DNAJC6: variants seen among roughly 807,000 people sequenced by gnomAD.
The protein encoded by DNAJC6 is auxilin.
DNAJC6 carries 34 observed loss-of-function variants against 110.0 expected under a neutral mutation model. That is an observed-to-expected ratio of 0.31 (90% CI 0.24 to 0.41). DNAJC6 has a LOEUF of 0.41. DNAJC6 is among the 10% of genes least tolerant of loss of function. DNAJC6 has a pLI of 1.00. For synonymous variants in DNAJC6, 406 were observed against 437.2 expected (o/e 0.93, Z 0.89); for missense variants, 1,031 against 1,207.8 (o/e 0.85, Z 2.17).
rs1285031743 is a variant in DNAJC6, at chr1:65,408,517, G to A, written c.2492-124G>A. 4.7e-6 allele frequency: 5 copies of A among 1,070,822 alleles called. No homozygotes were observed. In the African/African-American group the frequency reaches 7.9e-5, roughly 17 times the overall value. 66.3% of individuals were successfully genotyped at this position (1,070,822 alleles called of 1,614,324 possible). A position where few individuals can be genotyped will look rare whatever the true frequency, so the allele number is the denominator to read the frequency against. ...CTTACCCTACTCACAGGGTAAGCAAGCATGAGGGTTAAGGACTGAATGCAT... is the reference window on the plus strand; with the variant it reads ...CTTACCCTACTCACAGGGTAAGCAAACATGAGGGTTAAGGACTGAATGCAT... On this transcript the variant is annotated intron_variant, in intron 16 of 18. Coordinates refer to ENST00000371069, the MANE Select transcript of DNAJC6 (RefSeq NM_001256864.2).
rs1028650859 is a variant in DNAJC6, at chr1:65,408,600, A to G, written c.2492-41A>G. The G allele has an allele frequency of 2.5e-6, 4 of 1,592,030 alleles. No individual in the cohort carries two copies. The African/African-American group carries it at 4.1e-5, about 16-fold the overall frequency. On this transcript the variant is annotated intron_variant, in intron 16 of 18. Transcript: ENST00000371069. ...GAGATAATGATACAGCATTATGTTT[A>G]AGAATGAAAACTGTAATGATTTTCA...
chr1:65,414,547 A>C lies in DNAJC6; in HGVS notation c.*1522A>C, dbSNP rs1646154920. On this transcript the variant is annotated 3_prime_UTR_variant, in exon 19 of 19. Transcript: ENST00000371069. The stretch of plus-strand genomic sequence containing the variant: ...TGGCAAGCTATACCGGAAAAGCGGC[A>C]TGTCAAAAATACTTTAGGTTCTACA... 6.6e-6 allele frequency: 1 copy of C among 152,658 alleles called. No homozygotes were observed. The highest frequency in any genetic ancestry group is 1.5e-5 in the Non-Finnish European group (1 of 68,042). 9.5% of individuals were successfully genotyped at this position (152,658 alleles called of 1,614,324 possible).
intron 11 of DNAJC6, among the ~76,000 whole-genome samples, chr1:65,390,732 T>C (rs938841450): frequency 6.6e-6 from 1 of 152,222 alleles, no homozygotes; most frequent in Non-Finnish European, 1.5e-5. Context: ...AGGCTTCAGT[T>C]TGATGAAAAA....
intron 1 of DNAJC6, among the ~76,000 whole-genome samples, chr1:65,265,868 C>T (rs1209684150): frequency 6.6e-6 from 1 of 151,890 alleles, no homozygotes; most frequent in Non-Finnish European, 1.5e-5. Context: ...GCCGTCTCCG[C>T]GCGGCGGTGC....
At chr1:65,359,950 G>T (rs924373341) in intron 1 of DNAJC6, among the ~76,000 whole-genome samples, 1 of 152,152 alleles carries the variant, frequency 6.6e-6, no homozygotes, top group Non-Finnish European at 1.5e-5. Context: ...AAATGTAAAA[G>T]CCATTGTTAT....
Position 65,386,886 on chromosome 1 carries a change from T to G in DNAJC6, c.1070T>G (p.Met357Arg). ...GTGCAAGGAGACGTGGTTGTTTCCA[T>G]GTATCACTTGAGGTCAACCATTGGG... ...ITVQGDVVVS[M>R]YHLRSTIGSR... is the part of the protein sequence containing the mutation. The change falls in exon 8 of 19, where the codon ATG becomes AGG. Residue 357 changes from methionine (M) to arginine (R), a missense_variant. Coordinates refer to ENST00000371069, the MANE Select transcript of DNAJC6 (RefSeq NM_001256864.2). 1 of 1,614,178 alleles carries G rather than the reference T, an allele frequency of 6.2e-7. No homozygotes were observed.
chr1:65,270,097 A>T (rs1354141418), intron 1 of DNAJC6, among the ~76,000 whole-genome samples: 1 of 152,196 alleles, frequency 6.6e-6, no homozygotes, highest in African/African-American at 2.4e-5. Context: ...TCACTTACCC[A>T]AAGCAATGCC....
intron 1 of DNAJC6, among the ~76,000 whole-genome samples, chr1:65,296,530 A>G (rs889352301): frequency 6.6e-6 from 1 of 151,572 alleles, no homozygotes; most frequent in Non-Finnish European, 1.5e-5. Flanking sequence ...ACATCTTTTC[A>G]TAGGTTGTTG....
intron 16 of DNAJC6, among the ~76,000 whole-genome samples, 173 bp from the exon 17 acceptor site, chr1:65,408,468 T>C (rs895252847): frequency 6.6e-6 from 1 of 152,160 alleles, no homozygotes; most frequent in Non-Finnish European, 1.5e-5. Flanking sequence ...ATTTTCTTCA[T>C]CTGTAGAATG....
chr1:65,328,730 T>C (rs1264001482), intron 1 of DNAJC6, among the ~76,000 whole-genome samples: 1 of 152,236 alleles, frequency 6.6e-6, no homozygotes, highest in Non-Finnish European at 1.5e-5. Context: ...GCCATAATGG[T>C]GGAACCTTAG....
chr1:65,290,015 G>A (rs990495953), intron 1 of DNAJC6, among the ~76,000 whole-genome samples: 4 of 151,976 alleles, frequency 2.6e-5, no homozygotes, highest in Non-Finnish European at 5.9e-5. Context: ...TCACCATGTT[G>A]GCTAGGCTGG....
chr1:65,289,029 A>G (rs1293393221), intron 1 of DNAJC6, among the ~76,000 whole-genome samples: 1 of 152,142 alleles, frequency 6.6e-6, no homozygotes, highest in Non-Finnish European at 1.5e-5. Flanking sequence ...TCTGTTGGTT[A>G]TATATGTTAA....
At chr1:65,304,364 ACCT>A (rs1401807248) in intron 1 of DNAJC6, among the ~76,000 whole-genome samples, 1 of 151,812 alleles carries the variant, frequency 6.6e-6, no homozygotes, top group African/African-American at 2.4e-5. Flanking sequence ...TTTCCAGCAG[ACCT>A]CCTCTTCTAT....
At chr1:65,382,766 C>G (rs1172055358) in intron 5 of DNAJC6, among the ~76,000 whole-genome samples, 1 of 152,180 alleles carries the variant, frequency 6.6e-6, no homozygotes, top group East Asian at 1.9e-4. Flanking sequence ...TATTTCTTCT[C>G]TAGTTTGGTC....
intron 1 of DNAJC6, among the ~76,000 whole-genome samples, chr1:65,317,809 T>A (rs1240536641): frequency 2.0e-5 from 3 of 152,170 alleles, no homozygotes; most frequent in Admixed American, 2.0e-4. Context: ...ATAATAGTTA[T>A]ATAAAGTGCA....
At position 65,299,868 on chromosome 1, in the gene DNAJC6, G is replaced by T. The variant is rs146346954; in HGVS notation, c.-131+34936G>T. Among the ~76,000 whole-genome samples, 219 of 152,058 alleles carry T rather than the reference G, an allele frequency of 1.4e-3. 2 individuals carry two copies. In the East Asian group the frequency reaches 0.028, roughly 20 times the overall value. On this transcript the variant is annotated intron_variant, in intron 1 of 19. Transcript: ENST00000263441. Reference sequence around the variant, plus strand: ...AGTTTGAGACCAGCCTGGCCAACATGCTGAAACCCCGTCTCTACTAAAAAC... The same window carrying T: ...AGTTTGAGACCAGCCTGGCCAACATTCTGAAACCCCGTCTCTACTAAAAAC...
chr1:65,385,750 C>G lies in DNAJC6; in HGVS notation c.839C>G (p.Pro280Arg), dbSNP rs774319050. Residue 280 changes from proline (P) to arginine (R), a missense_variant, in exon 7 of 19, where the codon CCC (proline) becomes CGC (arginine). Coordinates refer to ENST00000371069, the MANE Select transcript of DNAJC6 (RefSeq NM_001256864.2). Reference sequence around the variant, plus strand: ...ATGTGTGACCTACTGGCAGACAAGCCCTACCGCCCTCACTTCAAGCCTCTC... The same window carrying G: ...ATGTGTGACCTACTGGCAGACAAGCGCTACCGCCCTCACTTCAAGCCTCTC... Reference protein sequence around the residue: ...GYMCDLLADKPYRPHFKPLTI... With the variant: ...GYMCDLLADKRYRPHFKPLTI... 4.8e-5 allele frequency: 77 copies of G among 1,612,738 alleles called. No homozygotes were observed. The East Asian group carries it at 1.7e-3, about 35-fold the overall frequency.
At chr1:65,300,463 A>C (rs1644968800) in intron 1 of DNAJC6, among the ~76,000 whole-genome samples, 1 of 152,182 alleles carries the variant, frequency 6.6e-6, no homozygotes, top group African/African-American at 2.4e-5. Flanking sequence ...CTATGTATGC[A>C]TCTAGTAGAT....
At chr1:65,374,195 A>T (rs1472605826) in intron 4 of DNAJC6, among the ~76,000 whole-genome samples, 2 of 152,068 alleles carry the variant, frequency 1.3e-5, no homozygotes, top group African/African-American at 2.4e-5. Flanking sequence ...TTTGTAAAAA[A>T]CTTTGAAGTC....
Sources: gnomAD v4.1 joint callset for allele counts (sites outside exome capture counted in the v4.1 genomes callset) on GRCh38, gnomAD v4.1.1 for gene constraint, MANE v1.5 for transcripts, NCBI Gene and HGNC (gene_info 2026-07-23, HGNC 2026-07-21) for gene names.